The following FSHR variants were observed in gnomAD, a reference collection of about 807,000 sequenced individuals.
FSHR encodes follicle stimulating hormone receptor.
In FSHR, 46 loss-of-function variants were observed where a neutral mutation model predicts 52.1. The observed-to-expected ratio is 0.88, with a 90% CI of 0.70 to 1.13. FSHR has a LOEUF of 1.13. Ranked by LOEUF, FSHR falls within the 50% of genes most tolerant of loss-of-function variation. The probability of loss-of-function intolerance (pLI) is 0.00; values close to 1 mark genes in which losing one functional copy is unlikely to be tolerated. For synonymous variants in FSHR, 399 were observed against 309.6 expected, an observed-to-expected ratio of 1.29 and a Z score of -3.03; for missense variants, 964 against 834.6, an observed-to-expected ratio of 1.16 and a Z score of -1.91.
chr2:49,147,907 G>A (rs1337278868), intron 1 of FSHR, among the ~76,000 whole-genome samples: 1 of 151,940 alleles, frequency 6.6e-6, no homozygotes, highest in South Asian at 2.1e-4. Context: ...TGTCAAAGAA[G>A]TACCTAAACA....
rs1384830764 is a variant in FSHR at position 49,154,447 on chromosome 2, C to T, written c.-30G>A. 6.2e-7 allele frequency: 1 copy of T among 1,610,948 alleles called. No homozygotes were observed. The highest frequency in any genetic ancestry group is 2.2e-5 in the East Asian group (1 of 44,846). On this transcript the variant is annotated 5_prime_UTR_variant, in exon 1 of 10. Coordinates refer to ENST00000406846, the MANE Select transcript of FSHR (RefSeq NM_000145.4). ...ATGCATCCATCCACCTGATTTCTTC[C>T]TGCATTTGCAGAGAAAAACCTCCAC...
intron 4 of FSHR, among the ~76,000 whole-genome samples, chr2:48,997,693 A>G (rs916172777): frequency 1.3e-5 from 2 of 152,144 alleles, no homozygotes; most frequent in African/African-American, 2.4e-5. Flanking sequence ...TGCTGTGGTC[A>G]TGCTCCAGCC....
At chr2:49,045,885 C>G (rs1378959568) in intron 2 of FSHR, among the ~76,000 whole-genome samples, 1 of 152,172 alleles carries the variant, frequency 6.6e-6, no homozygotes, top group East Asian at 1.9e-4. Flanking sequence ...TTTCTTCAGA[C>G]TTGGACACAC....
chr2:49,073,854 G>A (rs1255689588), intron 1 of FSHR, among the ~76,000 whole-genome samples: 2 of 151,912 alleles, frequency 1.3e-5, no homozygotes, highest in Non-Finnish European at 2.9e-5. Context: ...TAGACCAGAA[G>A]AACAGACTAG....
intron 9 of FSHR, among the ~76,000 whole-genome samples, chr2:48,967,914 G>C (rs1296691950): frequency 6.6e-6 from 1 of 152,182 alleles, no homozygotes; most frequent in African/African-American, 2.4e-5. Context: ...CAACTACATG[G>C]TGTGGCTTAT....
chr2:49,124,843 T>A (rs1671944204), intron 1 of FSHR, among the ~76,000 whole-genome samples: 1 of 152,234 alleles, frequency 6.6e-6, no homozygotes, highest in Admixed American at 6.5e-5. Flanking sequence ...TTCAATTGCT[T>A]CTTGCCTCAT....
chr2:49,058,728 A>G (rs1669164623), intron 2 of FSHR, among the ~76,000 whole-genome samples: 1 of 152,288 alleles, frequency 6.6e-6, no homozygotes, highest in South Asian at 2.1e-4. Context: ...ACAAAACCCT[A>G]TGAATAAATT....
chr2:49,138,040 T>G (rs1672548285), intron 1 of FSHR, among the ~76,000 whole-genome samples: 1 of 152,170 alleles, frequency 6.6e-6, no homozygotes, highest in Admixed American at 6.5e-5. Context: ...TATTTGTAAA[T>G]TATACATGTG....
chr2:49,146,819 A>G (rs1672888070), intron 1 of FSHR, among the ~76,000 whole-genome samples: 2 of 152,072 alleles, frequency 1.3e-5, no homozygotes, highest in African/African-American at 4.8e-5. Flanking sequence ...TGTTGCATCG[A>G]AACAGTTAAA....
At chr2:48,986,023 G>A (rs1470178793) in intron 6 of FSHR, among the ~76,000 whole-genome samples, 2 of 152,150 alleles carry the variant, frequency 1.3e-5, no homozygotes, top group African/African-American at 4.8e-5. Flanking sequence ...GCATGTACAC[G>A]TTTTTTACAT....
rs148901403 is a variant in FSHR, at chr2:49,133,316, T to C, written c.152+20950A>G. 7.9e-5 allele frequency among the ~76,000 whole-genome samples: 12 copies of C among 152,272 alleles called. No individual in the cohort carries two copies. The East Asian group carries it at 2.3e-3, about 29-fold the overall frequency. On this transcript the variant is annotated intron_variant, in intron 1 of 9. Transcript: ENST00000406846. Reference sequence around the variant, plus strand: ...GAGAATATGGGTCTCTGATAGCTCTTGTCCCAGTTCATGAGGCAGTGAATC... The same window carrying C: ...GAGAATATGGGTCTCTGATAGCTCTCGTCCCAGTTCATGAGGCAGTGAATC...
chr2:49,036,821 G>A (rs892181373), intron 2 of FSHR, among the ~76,000 whole-genome samples: 3 of 152,218 alleles, frequency 2.0e-5, no homozygotes, highest in African/African-American at 7.2e-5. Context: ...TGACATGGAA[G>A]TCTGAGACAA....
intron 1 of FSHR, among the ~76,000 whole-genome samples, chr2:49,152,895 G>C (rs1673113506): frequency 6.6e-6 from 1 of 152,240 alleles, no homozygotes; most frequent in Admixed American, 6.5e-5. Context: ...TAGGAGCTCA[G>C]GTACATTGGC....
intron 2 of FSHR, among the ~76,000 whole-genome samples, chr2:49,022,410 T>C (rs937402023): frequency 6.6e-6 from 1 of 151,904 alleles, no homozygotes; most frequent in African/African-American, 2.4e-5. Flanking sequence ...CAGACGAGGG[T>C]TGGGGGCAGG....
At chr2:49,134,596 C>T (rs995497834) in intron 1 of FSHR, among the ~76,000 whole-genome samples, 1 of 152,176 alleles carries the variant, frequency 6.6e-6, no homozygotes, top group African/African-American at 2.4e-5. Flanking sequence ...AATCATACTG[C>T]TATCAAGACA....
At chr2:49,030,233 T>G (rs1668052067) in intron 2 of FSHR, among the ~76,000 whole-genome samples, 1 of 150,638 alleles carries the variant, frequency 6.6e-6, no homozygotes, top group South Asian at 2.1e-4. Flanking sequence ...ATTTCCTCCT[T>G]GACATATGTC....
chr2:49,069,361 C>T (rs1007074767), intron 1 of FSHR, among the ~76,000 whole-genome samples: 1 of 152,088 alleles, frequency 6.6e-6, no homozygotes, highest in African/African-American at 2.4e-5. Context: ...TCTCAGACCC[C>T]CATTTGCTCA....
intron 1 of FSHR, among the ~76,000 whole-genome samples, chr2:49,152,279 T>G (rs1673089896): frequency 1.3e-5 from 2 of 152,150 alleles, no homozygotes; most frequent in Admixed American, 1.3e-4. Context: ...TGGTGCTCTG[T>G]TCATCACACT....
At chr2:49,133,183 C>A (rs909767308) in intron 1 of FSHR, among the ~76,000 whole-genome samples, 2 of 152,048 alleles carry the variant, frequency 1.3e-5, no homozygotes, top group Admixed American at 1.3e-4. Flanking sequence ...CCCAGCTGCC[C>A]GTTGCTGAGG....
Sources: gnomAD v4.1 joint callset for allele counts (sites outside exome capture counted in the v4.1 genomes callset) on GRCh38, gnomAD v4.1.1 for gene constraint, MANE v1.5 for transcripts, NCBI Gene and HGNC (gene_info 2026-07-23, HGNC 2026-07-21) for gene names.